TBC1D5: variants seen among roughly 807,000 people sequenced by gnomAD.
TBC1D5 encodes the protein TBC1 domain family, member 5.
In TBC1D5, 75 loss-of-function variants were observed where a neutral mutation model predicts 100.3. That is an observed-to-expected ratio of 0.75 (90% CI 0.62 to 0.91). The LOEUF (loss-of-function observed/expected upper bound fraction) is 0.91, where lower values mean the gene tolerates loss of function less well. Among genes scored for constraint, TBC1D5 ranks in the 40% least tolerant of loss-of-function variants. The pLI, the probability that TBC1D5 is intolerant of heterozygous loss-of-function variation, is 0.00. For missense variants in TBC1D5, 910 were observed against 942.4 expected (o/e 0.97, Z 0.45); for synonymous variants, 323 against 325.6 (o/e 0.99, Z 0.09).
At chr3:17,371,377 C>T (rs1326982895) in intron 13 of TBC1D5, among the ~76,000 whole-genome samples, 1 of 152,156 alleles carries the variant, frequency 6.6e-6, no homozygotes, top group African/African-American at 2.4e-5. Context: ...TCTGCTGTTA[C>T]CAGCTTGAAA....
At chr3:17,167,052 A>G (rs1215994811) in intron 20 of TBC1D5, 124 bp from the exon 22 acceptor site, 2 of 920,576 alleles carry the variant, frequency 2.2e-6, no homozygotes. Flanking sequence ...ATGAATATTA[A>G]TATTTTACTA....
At chr3:17,363,225 A>G (rs2091863933) in intron 13 of TBC1D5, among the ~76,000 whole-genome samples, 1 of 152,162 alleles carries the variant, frequency 6.6e-6, no homozygotes, top group African/African-American at 2.4e-5. Flanking sequence ...CATAAAAAAC[A>G]CTGTGATAAA....
At chr3:17,162,024 A>AACTT (rs61250164) in intron 21 of TBC1D5, among the ~76,000 whole-genome samples, 1 of 152,086 alleles carries the variant, frequency 6.6e-6, no homozygotes, top group Non-Finnish European at 1.5e-5. Context: ...TTTATTTTTT[A>AACTT]ACTTACTTAA....
intron 1 of TBC1D5, among the ~76,000 whole-genome samples, chr3:17,732,720 AAAAT>A (rs60531914): frequency 2.2e-4 from 32 of 144,876 alleles, no homozygotes; most frequent in South Asian, 8.9e-4. Context: ...CCGTCTCAAA[AAAAT>A]AAATAAATAA....
intron 8 of TBC1D5, among the ~76,000 whole-genome samples, chr3:17,386,846 C>T (rs1007211936): frequency 1.6e-4 from 25 of 152,212 alleles, no homozygotes; most frequent in African/African-American, 5.5e-4. Context: ...TATATCAATT[C>T]CTGGTTTCAT....
intron 1 of TBC1D5, among the ~76,000 whole-genome samples, chr3:17,715,813 G>T (rs577801421): frequency 5.9e-5 from 9 of 152,030 alleles, no homozygotes; most frequent in East Asian, 3.9e-4. Context: ...TAAAAAAAAG[G>T]GGGGGGAGGC....
At chr3:17,211,675 G>A (rs1247152146) in intron 18 of TBC1D5, among the ~76,000 whole-genome samples, 1 of 152,102 alleles carries the variant, frequency 6.6e-6, no homozygotes, top group Non-Finnish European at 1.5e-5. Flanking sequence ...AGCTTTCTTA[G>A]GCTGCTTAGT....
At chr3:17,382,769 C>T (rs990654484) in intron 9 of TBC1D5, among the ~76,000 whole-genome samples, 1 of 151,918 alleles carries the variant, frequency 6.6e-6, no homozygotes, top group Non-Finnish European at 1.5e-5. Context: ...ACCATGTTGC[C>T]CAGCCTGGTC....
intron 3 of TBC1D5, among the ~76,000 whole-genome samples, chr3:17,507,940 C>G (rs2095860697): frequency 6.6e-6 from 1 of 151,494 alleles, no homozygotes; most frequent in Non-Finnish European, 1.5e-5. Context: ...TGAATACGGT[C>G]TACATTTTAA....
At chr3:17,282,727 C>T (rs902471523) in intron 15 of TBC1D5, among the ~76,000 whole-genome samples, 6 of 152,142 alleles carry the variant, frequency 3.9e-5, no homozygotes, top group Non-Finnish European at 8.8e-5. Context: ...ATATTGTTGC[C>T]ATGAACAACT....
chr3:17,424,887 T>G (rs1284836555), intron 4 of TBC1D5, among the ~76,000 whole-genome samples: 3 of 152,206 alleles, frequency 2.0e-5, no homozygotes, highest in Non-Finnish European at 1.5e-5. Context: ...AGCCATCATC[T>G]CTGAATTTAT....
chr3:17,370,855 A>G (rs772429579), intron 13 of TBC1D5, among the ~76,000 whole-genome samples: 20 of 152,312 alleles, frequency 1.3e-4, no homozygotes, highest in Middle Eastern at 3.4e-3. Context: ...GTACACCTCA[A>G]TAAAAAAATT....
intron 1 of TBC1D5, among the ~76,000 whole-genome samples, chr3:17,635,163 G>A (rs899154738): frequency 2.0e-5 from 3 of 152,182 alleles, no homozygotes; most frequent in African/African-American, 7.2e-5. Flanking sequence ...TATCAACAGA[G>A]ATGGGGAAGA....
chr3:17,636,226 GC>G (rs1002420661), intron 1 of TBC1D5, among the ~76,000 whole-genome samples: 1 of 152,022 alleles, frequency 6.6e-6, no homozygotes, highest in African/African-American at 2.4e-5. Context: ...AAAAAAAACA[GC>G]ATATAAGCAT....
intron 13 of TBC1D5, among the ~76,000 whole-genome samples, chr3:17,362,066 G>T (rs1007221225): frequency 6.6e-6 from 1 of 151,954 alleles, no homozygotes; most frequent in Admixed American, 6.6e-5. Context: ...TCCACAAATG[G>T]TTCTGAAATA....
intron 8 of TBC1D5, among the ~76,000 whole-genome samples, chr3:17,384,610 T>C (rs913837804): frequency 6.6e-6 from 1 of 152,014 alleles, no homozygotes; most frequent in South Asian, 2.1e-4. Context: ...CTAGTAGTAG[T>C]AGTCAACTGG....
rs535355975 is a variant in TBC1D5 at position 17,538,760 on chromosome 3, C to T, written c.-35-30155G>A. Reference sequence around the variant, plus strand: ...TTTACCTAAAGACTAGAAACCCAGTCGGGCATGGTGGCTCATGCCTATAAT... The same window carrying T: ...TTTACCTAAAGACTAGAAACCCAGTTGGGCATGGTGGCTCATGCCTATAAT... On this transcript the variant is annotated intron_variant, in intron 2 of 21. Coordinates refer to ENST00000253692, the Ensembl canonical transcript of TBC1D5. Among the ~76,000 whole-genome samples the T allele has an allele frequency of 3.9e-5, 6 of 152,288 alleles. No individual in the cohort carries two copies. In the South Asian group the frequency reaches 6.2e-4, roughly 16 times the overall value.
In TBC1D5 at chr3:17,216,441, C is replaced by A. The variant is rs544274559; in HGVS notation, c.1589-2071G>T. Among the ~76,000 whole-genome samples, 114 of 152,216 alleles carry A rather than the reference C, an allele frequency of 7.5e-4. 2 individuals carry two copies. The South Asian group carries it at 0.011, about 15-fold the overall frequency. On this transcript the variant is annotated intron_variant, in intron 17 of 21. Coordinates refer to ENST00000253692, the Ensembl canonical transcript of TBC1D5. ...GCCCAACTCTGATTCCTCCTCTTTT[C>A]CTTTCACCTGTGTTATTCCCCCAAT... is the stretch of plus-strand genomic sequence containing the variant.
chr3:17,622,412 T>C lies in TBC1D5; in HGVS notation c.-36+1437A>G, dbSNP rs185777606. Reference sequence around the variant, plus strand: ...GTGTAGCCCCTTCAGTACACAAGAGTCTTATCAGTACCATTTATGCGTAGC... The same window carrying C: ...GTGTAGCCCCTTCAGTACACAAGAGCCTTATCAGTACCATTTATGCGTAGC... On this transcript the variant is annotated intron_variant, in intron 2 of 21. Transcript: ENST00000253692. Among the ~76,000 whole-genome samples the C allele has an allele frequency of 5.3e-5, 8 of 152,140 alleles. No homozygotes were observed. The East Asian group carries it at 1.5e-3, about 29-fold the overall frequency.
Sources: allele counts gnomAD v4.1 joint callset (sites outside exome capture counted in the v4.1 genomes callset), GRCh38; gene constraint gnomAD v4.1.1; transcripts MANE v1.5; gene names NCBI Gene and HGNC (gene_info 2026-07-23, HGNC 2026-07-21).